The following TBCE variants were observed in gnomAD, a reference collection of about 807,000 sequenced individuals.
The protein encoded by TBCE is tubulin folding cofactor E.
TBCE carries 53 observed loss-of-function variants against 77.0 expected under a neutral mutation model. The ratio of observed to expected loss-of-function variants is 0.69; its 90% CI spans 0.55 to 0.87. TBCE has a LOEUF of 0.87. TBCE is among the 40% of genes least tolerant of loss of function. The pLI, the probability that TBCE is intolerant of heterozygous loss-of-function variation, is 0.00. For missense variants in TBCE, 624 were observed against 622.4 expected, an observed-to-expected ratio of 1.00 and a Z score of -0.03; for synonymous variants, 235 against 241.3, an observed-to-expected ratio of 0.97 and a Z score of 0.24.
At position 235,442,859 on chromosome 1, in the gene TBCE, G is replaced by A; in HGVS notation, c.1347G>A (p.Lys449=). Residue 449 remains lysine (K), a synonymous_variant, in exon 15 of 17, where the codon AAG becomes AAA. Transcript: ENST00000642610. ...LMLKNQLLTL[K]IKYPHQLDQK... ...TCTTTGTTTCTCTTAAAGCACTGAA[G>A]ATAAAATACCCTCATCAACTTGATC... 7 of 1,613,962 alleles carry A rather than the reference G, an allele frequency of 4.3e-6. No individual in the cohort carries two copies. The highest frequency in any genetic ancestry group is 5.9e-6 in the Non-Finnish European group (7 of 1,179,938).
intron 15 of TBCE, 105 bp downstream of exon 15, chr1:235,443,016 A>G: frequency 2.7e-6 from 3 of 1,107,846 alleles, no homozygotes; most frequent in Admixed American, 2.0e-5. Flanking sequence ...TGTGGACCTC[A>G]GAACTTACAG....
chr1:235,417,100 G>C (rs187294628), intron 4 of TBCE, among the ~76,000 whole-genome samples: 2 of 152,084 alleles, frequency 1.3e-5, no homozygotes, highest in Non-Finnish European at 2.9e-5. Flanking sequence ...CTTTGAGATC[G>C]TACCACTAAG....
intron 1 of TBCE, among the ~76,000 whole-genome samples, chr1:235,367,861 G>A (rs1046280881): frequency 6.6e-6 from 1 of 152,192 alleles, no homozygotes; most frequent in Non-Finnish European, 1.5e-5. Context: ...CATTGGTGAT[G>A]ACAGAGAAAT....
chr1:235,444,767 G>A (rs1682133152), intron 15 of TBCE, among the ~76,000 whole-genome samples: 1 of 152,242 alleles, frequency 6.6e-6, no homozygotes, highest in Admixed American at 6.5e-5. Context: ...TTTTGCCTTT[G>A]CAGATACATC....
intron 4 of TBCE, chr1:235,418,647 A>G (rs1680232061): frequency 6.6e-6 from 1 of 152,380 alleles, no homozygotes; most frequent in African/African-American, 2.4e-5. Flanking sequence ...GAGTATGTAC[A>G]TTCCTTGTGG....
chr1:235,436,894 G>A (rs183509390), intron 11 of TBCE, among the ~76,000 whole-genome samples: 148 of 151,596 alleles, frequency 9.8e-4, no homozygotes, highest in African/African-American at 3.5e-3. Context: ...CGAGGCGGGC[G>A]GATCACCTGA....
chr1:235,380,448 T>A (rs191647020), intron 2 of TBCE, among the ~76,000 whole-genome samples: 151 of 152,282 alleles, frequency 9.9e-4, no homozygotes, highest in Non-Finnish European at 1.6e-3. Flanking sequence ...CTAAAAGTCT[T>A]GAAACCTCAT....
intron 1 of TBCE, among the ~76,000 whole-genome samples, chr1:235,376,339 A>G (rs991428201): frequency 1.3e-5 from 2 of 152,118 alleles, no homozygotes; most frequent in African/African-American, 2.4e-5. Context: ...CTTCTCACCA[A>G]GCCATTCTCA....
chr1:235,427,773 G>A (rs995259271), intron 6 of TBCE, among the ~76,000 whole-genome samples: 6 of 152,146 alleles, frequency 3.9e-5, no homozygotes, highest in Non-Finnish European at 4.4e-5. Flanking sequence ...GCTCACTCCT[G>A]TAATCCCAGC....
At chr1:235,414,879 C>A (rs1680025377) in intron 4 of TBCE, 3 of 424,736 alleles carry the variant, frequency 7.1e-6, no homozygotes, top group Non-Finnish European at 1.3e-5. Context: ...ATCATATTAT[C>A]TCGTGTTGAC....
intron 3 of TBCE, among the ~76,000 whole-genome samples, chr1:235,411,965 GA>G (rs2102876729): frequency 6.6e-6 from 1 of 151,608 alleles, no homozygotes; most frequent in Admixed American, 6.6e-5. Flanking sequence ...CTGCTCGTAG[GA>G]AAGGTTATGT....
At chr1:235,386,986 G>A (rs1033310207) in intron 2 of TBCE, among the ~76,000 whole-genome samples, 4 of 152,124 alleles carry the variant, frequency 2.6e-5, no homozygotes, top group African/African-American at 7.2e-5. Context: ...TGGTGTGGAT[G>A]TCCTTCCTGT....
In TBCE at chr1:235,380,037, T is replaced by C. The variant is rs1385767505; in HGVS notation, c.-13T>C. On this transcript the variant is annotated 5_prime_UTR_variant, in exon 2 of 17. Transcript: ENST00000642610. Reference sequence around the variant, plus strand: ...TTCCTAGATCTCATATTTTGGATTCTGGATATATTATAATGAGTGACACTT... The same window carrying C: ...TTCCTAGATCTCATATTTTGGATTCCGGATATATTATAATGAGTGACACTT... 4.2e-5 allele frequency: 67 copies of C among 1,606,768 alleles called. No homozygotes were observed. The highest frequency in any genetic ancestry group is 5.5e-5 in the Non-Finnish European group (65 of 1,173,554).
intron 13 of TBCE, among the ~76,000 whole-genome samples, chr1:235,440,135 T>C (rs1681760490): frequency 6.6e-6 from 1 of 152,138 alleles, no homozygotes; most frequent in African/African-American, 2.4e-5. Flanking sequence ...CACACCCGGC[T>C]AATTTTTTGT....
At chr1:235,401,398 T>C in intron 2 of TBCE, 105 bp from the exon 3 acceptor site, 1 of 907,140 alleles carries the variant, frequency 1.1e-6, no homozygotes. Flanking sequence ...CCAAGTGGTA[T>C]CTGTGTGATA....
intron 2 of TBCE, among the ~76,000 whole-genome samples, chr1:235,390,123 C>CA (rs756117658): frequency 0.019 from 2,488 of 128,680 alleles, 40 homozygotes; most frequent in African/African-American, 0.057. Flanking sequence ...AAGACTGTCT[C>CA]AAAAAAAAAA....
intron 2 of TBCE, among the ~76,000 whole-genome samples, chr1:235,400,680 G>A (rs1167481237): frequency 6.7e-6 from 1 of 150,358 alleles, no homozygotes; most frequent in Non-Finnish European, 1.5e-5. Flanking sequence ...GGTTACAGGC[G>A]TGAGCCACTG....
chr1:235,417,042 CTACTT>C (rs1453351124), intron 4 of TBCE, among the ~76,000 whole-genome samples: 3 of 152,212 alleles, frequency 2.0e-5, no homozygotes, highest in Non-Finnish European at 2.9e-5. Flanking sequence ...GTTGAAACCT[CTACTT>C]TAAGCCATTG....
At chr1:235,369,069 C>T (rs79990789) in intron 1 of TBCE, among the ~76,000 whole-genome samples, 4,763 of 152,146 alleles carry the variant, frequency 0.031, 273 homozygotes, top group African/African-American at 0.11. Flanking sequence ...TACGTTGTCT[C>T]GTACTTGAAT....
Sources: gnomAD v4.1 joint callset for allele counts (sites outside exome capture counted in the v4.1 genomes callset) on GRCh38, gnomAD v4.1.1 for gene constraint, MANE v1.5 for transcripts, NCBI Gene and HGNC (gene_info 2026-07-23, HGNC 2026-07-21) for gene names.